The following MDN1 variants were observed in gnomAD, a reference collection of about 807,000 sequenced individuals.
The protein encoded by MDN1 is midasin.
MDN1 carries 266 observed loss-of-function variants against 669.2 expected under a neutral mutation model. That is an observed-to-expected ratio of 0.40 (90% CI 0.36 to 0.44). MDN1 has a LOEUF of 0.44. Among genes scored for constraint, MDN1 ranks in the 20% least tolerant of loss-of-function variants. MDN1 has a pLI of 1.00. For missense variants in MDN1, 5,940 were observed against 6,754.0 expected, an observed-to-expected ratio of 0.88 and a Z score of 4.22; for synonymous variants, 2,385 against 2,457.1, an observed-to-expected ratio of 0.97 and a Z score of 0.87.
intron 47 of MDN1, 139 bp downstream of exon 47, chr6:89,713,009 G>A (rs1156408019): frequency 1.1e-5 from 11 of 965,090 alleles, no homozygotes; most frequent in Admixed American, 8.6e-5. Flanking sequence ...AAAGTACCTG[G>A]ATACCAGATC....
At chr6:89,774,024 G>T (rs1818236008) in intron 13 of MDN1, among the ~76,000 whole-genome samples, 1 of 151,660 alleles carries the variant, frequency 6.6e-6, no homozygotes, top group Non-Finnish European at 1.5e-5. Flanking sequence ...AGGCAAGAAA[G>T]CATTCTCCCC....
chr6:89,698,962 G>A lies in MDN1; in HGVS notation c.9071C>T (p.Thr3024Ile), dbSNP rs761179794. 4 of 1,614,054 alleles carry A rather than the reference G, an allele frequency of 2.5e-6. No homozygotes were observed. The highest frequency in any genetic ancestry group is 2.2e-5 in the South Asian group (2 of 91,084). ...NSMFMSFWSS[T>I]VTTNPEYWLM... is the part of the protein sequence containing the mutation. ...CCAGTACTCTGGATTTGTGGTCACA[G>A]TACTGCTCCAGAAAGACATAAACAT... is the stretch of plus-strand genomic sequence containing the variant. Residue 3024 changes from threonine (T) to isoleucine (I), a missense_variant, in exon 59 of 102, where the codon ACT (threonine) becomes ATT (isoleucine). This residue lies in a region of MDN1 where 2,292 missense variants were observed against 2,638.3 expected (regional missense o/e 0.87). Transcript: ENST00000369393.
chr6:89,649,912 C>T, intron 97 of MDN1, 112 bp downstream of exon 97: 1 of 1,094,878 alleles, frequency 9.1e-7, no homozygotes, highest in Non-Finnish European at 1.4e-6. Context: ...ATGTTTTAGC[C>T]ATATCATATT....
In MDN1 at chr6:89,680,000, G is replaced by A. The variant is rs552322712; in HGVS notation, c.12265+589C>T. Among the ~76,000 whole-genome samples, 40 of 152,302 alleles carry A rather than the reference G, an allele frequency of 2.6e-4. No homozygotes were observed. The South Asian group carries it at 7.7e-3, about 29-fold the overall frequency. ...ATTAGATGCAACCTCATTAAAGGCA[G>A]GCCACCCTCACTGACAGCACACTCA... On this transcript the variant is annotated intron_variant, in intron 74 of 101. Transcript: ENST00000369393.
In MDN1 at chr6:89,794,561, T is replaced by C. The variant is rs1819469921; in HGVS notation, c.554+16A>G. ...TCCCCACACTAGAAGTGCAAAAAAGTCTAACAGCTACGCACCAGCGAACCA... is the reference window on the plus strand; with the variant it reads ...TCCCCACACTAGAAGTGCAAAAAAGCCTAACAGCTACGCACCAGCGAACCA... On this transcript the variant is annotated intron_variant, in intron 3 of 101. Coordinates refer to ENST00000369393, the MANE Select transcript of MDN1 (RefSeq NM_014611.3). 4 of 1,611,072 alleles carry C rather than the reference T, an allele frequency of 2.5e-6. No homozygotes were observed. Among genetic ancestry groups the C allele is most frequent in the East Asian group, 2.2e-5 (1 of 44,886 alleles).
intron 1 of MDN1, among the ~76,000 whole-genome samples, chr6:89,806,340 A>G (rs1448017052): frequency 6.6e-6 from 1 of 152,156 alleles, no homozygotes; most frequent in African/African-American, 2.4e-5. Context: ...AGGTGAGATG[A>G]TCACTTGAGG....
chr6:89,757,687 G>C (rs1439165916), intron 19 of MDN1, among the ~76,000 whole-genome samples: 3 of 152,158 alleles, frequency 2.0e-5, no homozygotes, highest in Non-Finnish European at 4.4e-5. Context: ...GAGGCAGGCA[G>C]ATCTCTTGAG....
intron 15 of MDN1, among the ~76,000 whole-genome samples, chr6:89,767,957 G>A (rs1817883286): frequency 6.6e-6 from 1 of 151,994 alleles, no homozygotes; most frequent in Non-Finnish European, 1.5e-5. Flanking sequence ...TGGGAGGATA[G>A]CTTGAGCCGG....
intron 17 of MDN1, 92 bp downstream of exon 17, chr6:89,761,553 T>G: frequency 1.2e-6 from 1 of 817,364 alleles, no homozygotes; most frequent in African/African-American, 1.8e-5. Context: ...AATCATTATT[T>G]CATTAAGACA....
chr6:89,803,794 G>C (rs1281000538), intron 1 of MDN1, among the ~76,000 whole-genome samples: 1 of 151,422 alleles, frequency 6.6e-6, no homozygotes, highest in Admixed American at 6.6e-5. Flanking sequence ...TGTTAGCCAG[G>C]ATGGTCTCGA....
chr6:89,817,088 C>T (rs1768890127), intron 1 of MDN1, among the ~76,000 whole-genome samples: 1 of 152,130 alleles, frequency 6.6e-6, no homozygotes, highest in African/African-American at 2.4e-5. Flanking sequence ...CTTGGAAGAC[C>T]GCCCCCCTCA....
chr6:89,790,026 G>A (rs919844543), intron 6 of MDN1, 115 bp from the exon 7 acceptor site: 17 of 1,578,068 alleles, frequency 1.1e-5, no homozygotes, highest in Non-Finnish European at 1.4e-5. Context: ...GGCACTTGAG[G>A]TTTACATAGG....
intron 1 of MDN1, among the ~76,000 whole-genome samples, chr6:89,813,129 G>C (rs970117372): frequency 6.6e-6 from 1 of 152,156 alleles, no homozygotes; most frequent in Non-Finnish European, 1.5e-5. Flanking sequence ...TAGTAGAGAA[G>C]GGGTTTCTCC....
intron 32 of MDN1, 105 bp downstream of exon 32, chr6:89,740,129 T>C (rs1816204654): frequency 1.5e-6 from 2 of 1,335,838 alleles, no homozygotes; most frequent in South Asian, 1.4e-5. Flanking sequence ...TACCCACTTT[T>C]TACCTAACAT....
intron 22 of MDN1, among the ~76,000 whole-genome samples, chr6:89,752,582 C>T (rs1817011141): frequency 6.6e-6 from 1 of 152,114 alleles, no homozygotes; most frequent in Non-Finnish European, 1.5e-5. Context: ...TCTGTAATTT[C>T]CTGCCAAATC....
chr6:89,646,472 G>A, intron 100 of MDN1, 68 bp downstream of exon 100: 1 of 1,365,868 alleles, frequency 7.3e-7, no homozygotes, highest in Non-Finnish European at 1.0e-6. Context: ...CTGAGCTGAA[G>A]CAAGCAGCTT....
chr6:89,747,415 CG>C lies in MDN1; in HGVS notation c.3817del (p.Arg1273ValfsTer26), dbSNP rs780134921. The C allele has an allele frequency of 6.2e-7, 1 of 1,614,010 alleles. No homozygotes were observed. Among genetic ancestry groups the C allele is most frequent in the Non-Finnish European group, 8.5e-7 (1 of 1,179,986 alleles). ...FAGKQGFITL[R>X]DLFRWAERYR... ...TCTTTCAGCCCATCGGAACAGATCA[CG>C]AAGGGTGATGAAGCCCTGCTTTCCA... is the stretch of plus-strand genomic sequence containing the variant. On this transcript the variant is annotated frameshift_variant, in exon 27 of 102. Coordinates refer to ENST00000369393, the MANE Select transcript of MDN1 (RefSeq NM_014611.3). LOFTEE classifies it high-confidence loss of function.
intron 75 of MDN1, 73 bp from the exon 76 acceptor site, chr6:89,677,769 A>C: frequency 6.3e-7 from 1 of 1,596,450 alleles, no homozygotes; most frequent in Non-Finnish European, 8.6e-7. Context: ...CTCCCCTGCT[A>C]CTCAAAGCAA....
At chr6:89,749,814 T>G in intron 24 of MDN1, 63 bp from the exon 25 acceptor site, 1 of 1,266,326 alleles carries the variant, frequency 7.9e-7, no homozygotes, top group Admixed American at 1.9e-5. Flanking sequence ...AAATGCATTA[T>G]GTACAAATCA....
Sources: allele counts gnomAD v4.1 joint callset (sites outside exome capture counted in the v4.1 genomes callset), GRCh38; gene constraint gnomAD v4.1.1; regional missense constraint gnomAD v4.1.1; transcripts MANE v1.5; gene names NCBI Gene and HGNC (gene_info 2026-07-23, HGNC 2026-07-21).